The following CFAP46 variants were observed in gnomAD, a reference collection of about 807,000 sequenced individuals.
CFAP46 encodes cilia- and flagella-associated protein 46.
Under a neutral mutation model 325.7 loss-of-function variants are expected in CFAP46, and 245 were observed. That is an observed-to-expected ratio of 0.75 (90% CI 0.68 to 0.84). The LOEUF (loss-of-function observed/expected upper bound fraction) is 0.84. Among genes scored for constraint, CFAP46 ranks in the 40% least tolerant of loss-of-function variants. CFAP46 has a pLI of 0.00. For synonymous variants in CFAP46, 1,523 were observed against 1,495.9 expected (o/e 1.02, Z -0.42); for missense variants, 3,346 against 3,543.0 (o/e 0.94, Z 1.41).
rs1265623664 is a variant in CFAP46 at position 132,817,549 on chromosome 10, G to A, written c.7118-2635C>T. ...GCTGTTGGATTTGATTGAGGTAACC[G>A]GCCCCTTCGTCTTCCTCATTCATTC... is the stretch of plus-strand genomic sequence containing the variant. On this transcript the variant is annotated intron_variant, in intron 50 of 57. Coordinates refer to ENST00000368586, the MANE Select transcript of CFAP46 (RefSeq NM_001200049.3). This position sits in a 1 kb window ranked among gnomAD's most constrained non-coding sequence, Gnocchi z 4.4. 2.6e-5 allele frequency among the ~76,000 whole-genome samples: 4 copies of A among 152,136 alleles called. No individual in the cohort carries two copies. Among genetic ancestry groups the A allele is most frequent in the Non-Finnish European group, 5.9e-5 (4 of 68,034 alleles).
In CFAP46 at chr10:132,906,840, G is replaced by A. The variant is rs143427279; in HGVS notation, c.2924+1628C>T. On this transcript the variant is annotated intron_variant, in intron 22 of 57. Coordinates refer to ENST00000368586, the MANE Select transcript of CFAP46 (RefSeq NM_001200049.3). ...TGAGAAGAGTGAACGGGGTCTTGGC[G>A]TGTGATGCCCCATCCTGGGCACTGA... 5.3e-4 allele frequency among the ~76,000 whole-genome samples: 79 copies of A among 149,218 alleles called. 1 individual carries two copies. In the East Asian group the frequency reaches 0.012, roughly 23 times the overall value.
At chr10:132,887,752 TCCC>T (rs1168512686) in intron 25 of CFAP46, among the ~76,000 whole-genome samples, 10 of 89,394 alleles carry the variant, frequency 1.1e-4, no homozygotes, top group Admixed American at 2.2e-4. Flanking sequence ...CTCTCTCCTC[TCCC>T]CTCTTCTCTC....
chr10:132,884,060 G>A lies in CFAP46; in HGVS notation c.3627+1043C>T, dbSNP rs577922567. On this transcript the variant is annotated intron_variant, in intron 27 of 57. Transcript: ENST00000368586. This position sits in a 1 kb window ranked among gnomAD's most constrained non-coding sequence, Gnocchi z 5.4. ...AGTGAAGACAGAAAACACTTTCAAG[G>A]GTTTCTGCCCCGAGGCCCAGTGCAG... Among the ~76,000 whole-genome samples the A allele has an allele frequency of 2.0e-5, 3 of 152,316 alleles. No individual in the cohort carries two copies. The highest frequency in any genetic ancestry group is 4.1e-4 in the South Asian group (2 of 4,826).
rs1341788896 is a variant in CFAP46, at chr10:132,835,297, G to A, written c.6744+7C>T. 2 of 1,611,948 alleles carry A rather than the reference G, an allele frequency of 1.2e-6. No individual in the cohort carries two copies. The highest frequency in any genetic ancestry group is 3.3e-5 in the Admixed American group (2 of 60,000). On this transcript the variant is annotated splice_region_variant and intron_variant, in intron 47 of 57. Coordinates refer to ENST00000368586, the MANE Select transcript of CFAP46 (RefSeq NM_001200049.3). ...GGCTGGGTGGCTTGGAGCCTGGAGG[G>A]CCTCACCGAGCCTATGTTCAGGGCC... is the stretch of plus-strand genomic sequence containing the variant.
At chr10:132,878,776 T>G (rs926971065) in intron 29 of CFAP46, among the ~76,000 whole-genome samples, 1 of 152,166 alleles carries the variant, frequency 6.6e-6, no homozygotes, top group Non-Finnish European at 1.5e-5. Context: ...GTGGCCCTCT[T>G]GATCCTGAGA....
At chr10:132,901,091 A>G (rs1192269420) in intron 22 of CFAP46, among the ~76,000 whole-genome samples, 5 of 151,914 alleles carry the variant, frequency 3.3e-5, no homozygotes, top group African/African-American at 9.7e-5. Flanking sequence ...TTTACCTTCA[A>G]TCTGTGTCTA....
chr10:132,921,887 C>CACAGGGCACCCG (rs1233742419), intron 13 of CFAP46, among the ~76,000 whole-genome samples: 1 of 152,244 alleles, frequency 6.6e-6, no homozygotes, highest in Non-Finnish European at 1.5e-5. Context: ...TGTCCCGGCA[C>CACAGGGCACCCG]ACAGGGCACC....
At position 132,827,309 on chromosome 10, in the gene CFAP46, C is replaced by A. The variant is rs1010529965; in HGVS notation, c.7117+6049G>T. Among the ~76,000 whole-genome samples, 1 of 152,082 alleles carries A rather than the reference C, an allele frequency of 6.6e-6. No homozygotes were observed. Among genetic ancestry groups the A allele is most frequent in the Non-Finnish European group, 1.5e-5 (1 of 68,032 alleles). ...GGGCACCCAGTGGGCCAGAATCAGA[C>A]GGAGAACAGCTATAAGCTGCCACGC... is the stretch of plus-strand genomic sequence containing the variant. On this transcript the variant is annotated intron_variant, in intron 50 of 57. Coordinates refer to ENST00000368586, the MANE Select transcript of CFAP46 (RefSeq NM_001200049.3). The surrounding 1 kb of genome is among the most constrained non-coding windows in gnomAD (Gnocchi z 5.7).
At chr10:132,851,358 T>C (rs888252094) in intron 39 of CFAP46, 53 bp from the exon 40 acceptor site, 9 of 1,557,980 alleles carry the variant, frequency 5.8e-6, no homozygotes, top group Admixed American at 1.9e-5. Context: ...TAAGCCTGAA[T>C]CTACATCCCC....
At chr10:132,920,035 C>A in intron 14 of CFAP46, 24 bp downstream of exon 14, 1 of 1,514,658 alleles carries the variant, frequency 6.6e-7, no homozygotes, top group Non-Finnish European at 8.9e-7. Context: ...CTGTGCGTGG[C>A]GCTCTGGCCT....
At chr10:132,881,105 T>C (rs1224471591) in intron 27 of CFAP46, 73 bp from the exon 28 acceptor site, 3 of 1,346,642 alleles carry the variant, frequency 2.2e-6, no homozygotes, top group Non-Finnish European at 3.1e-6. Flanking sequence ...TGGAATACTT[T>C]TATTGCTCAT....
At chr10:132,891,088 G>A (rs568935484) in intron 25 of CFAP46, among the ~76,000 whole-genome samples, 3 of 152,232 alleles carry the variant, frequency 2.0e-5, no homozygotes, top group South Asian at 2.1e-4. Flanking sequence ...GTGTGTCCAC[G>A]TTTTTTGTGG....
In CFAP46 at chr10:132,888,001, C is replaced by CTCCTCTCCCCTCT. The variant is rs1462766941; in HGVS notation, c.3305-2043_3305-2042insAGAGGGGAGAGGA. ...CTCTCTCTCTCCTCTCCCCTCTTCT[C>CTCCTCTCCCCTCT]TCTCTCCTCTCCCCTCTTCTCTCCT... On this transcript the variant is annotated intron_variant, in intron 25 of 57. Transcript: ENST00000368586. Among the ~76,000 whole-genome samples the CTCCTCTCCCCTCT allele has an allele frequency of 3.4e-3, 326 of 96,548 alleles. 38 individuals carry two copies. The highest frequency in any genetic ancestry group is 0.019 in the African/African-American group (246 of 13,278). 63.3% of individuals were successfully genotyped at this position (96,548 alleles called of 152,430 possible). A position where few individuals can be genotyped will look rare whatever the true frequency, so the allele number is the denominator to read the frequency against.
chr10:132,810,801 C>T, intron 56 of CFAP46, 149 bp downstream of exon 56: 1 of 804,262 alleles, frequency 1.2e-6, no homozygotes. Flanking sequence ...CCACACCTCG[C>T]CAACTGCTGG....
chr10:132,859,203 G>A lies in CFAP46; in HGVS notation c.5243C>T (p.Thr1748Ile). 1 of 1,550,342 alleles carries A rather than the reference G, an allele frequency of 6.5e-7. No individual in the cohort carries two copies. Among genetic ancestry groups the A allele is most frequent in the Non-Finnish European group, 8.7e-7 (1 of 1,147,014 alleles). ...TAGCAACGAGCACTCTGTGGGTTCA[G>A]TGACCGCTGAGTGCTGCGCAACTCT... ...RVRVAQHSAV[T>I]EPTECSLLLK... The change falls in exon 38 of 58, where the codon ACT (threonine) becomes ATT (isoleucine). Residue 1748 changes from threonine to isoleucine, a missense_variant. By Grantham distance (89) the Thr-to-Ile change is moderately conservative (BLOSUM62 -1). Coordinates refer to ENST00000368586, the MANE Select transcript of CFAP46 (RefSeq NM_001200049.3).
intron 44 of CFAP46, among the ~76,000 whole-genome samples, chr10:132,845,681 T>G (rs1848422050): frequency 6.6e-6 from 1 of 152,260 alleles, no homozygotes; most frequent in Non-Finnish European, 1.5e-5. Flanking sequence ...CCCTTAGACC[T>G]GACCAAGGTG....
At chr10:132,925,998 G>A (rs978574542) in intron 10 of CFAP46, among the ~76,000 whole-genome samples, 1 of 152,216 alleles carries the variant, frequency 6.6e-6, no homozygotes, top group Non-Finnish European at 1.5e-5. Flanking sequence ...TGAGGTTTCT[G>A]TTCATCTTTT....
At chr10:132,822,103 CTGA>C (rs1226333143) in intron 50 of CFAP46, among the ~76,000 whole-genome samples, 8 of 126,778 alleles carry the variant, frequency 6.3e-5, no homozygotes, top group African/African-American at 1.3e-4. Context: ...TGTGTGAGTG[CTGA>C]TGTGTGCTGT....
chr10:132,831,691 AT>A (rs1180891031), intron 50 of CFAP46, among the ~76,000 whole-genome samples: 1 of 151,942 alleles, frequency 6.6e-6, no homozygotes, highest in African/African-American at 2.4e-5. Flanking sequence ...ATCAGATGAT[AT>A]TTTTCTTTTA....
Sources: allele counts gnomAD v4.1 joint callset (sites outside exome capture counted in the v4.1 genomes callset), GRCh38; gene constraint gnomAD v4.1.1; non-coding constraint Gnocchi (gnomAD v3.1); transcripts MANE v1.5; gene names NCBI Gene and HGNC (gene_info 2026-07-23, HGNC 2026-07-21).